Variants in SEC14L5 observed in about 807,000 individuals in gnomAD.
The protein encoded by SEC14L5 is SEC14-like protein 5.
SEC14L5 carries 96 observed loss-of-function variants against 84.6 expected under a neutral mutation model. The ratio of observed to expected loss-of-function variants is 1.13; its 90% CI spans 0.96 to 1.34. SEC14L5 has a LOEUF of 1.34. SEC14L5 is among the 40% of genes most tolerant of loss of function. SEC14L5 has a pLI of 0.00. For synonymous variants in SEC14L5, 546 were observed against 383.4 expected (o/e 1.42, Z -4.95); for missense variants, 1,224 against 942.5 (o/e 1.30, Z -3.91).
At chr16:4,988,112 C>T (rs1325763857) in intron 3 of SEC14L5, 37 bp from the exon 4 acceptor site, 1 of 1,609,670 alleles carries the variant, frequency 6.2e-7, no homozygotes, top group Non-Finnish European at 8.5e-7. Context: ...CTCCACGCCG[C>T]CCACCCACCT....
At position 4,970,532 on chromosome 16, in the gene SEC14L5, A is replaced by G. The variant is rs533683218; in HGVS notation, c.63+11146A>G. Among the ~76,000 whole-genome samples, 77 of 152,270 alleles carry G rather than the reference A, an allele frequency of 5.1e-4. 2 individuals carry two copies. In the South Asian group the frequency reaches 0.015, roughly 30 times the overall value. On this transcript the variant is annotated intron_variant, in intron 2 of 15. Coordinates refer to ENST00000251170, the MANE Select transcript of SEC14L5 (RefSeq NM_014692.2). ...AAATAGTGTTTCCCCTCTGCGCAAA[A>G]TCCTGACATACCATGTAAATGTCAA...
chr16:5,005,529 T>G (rs2142526022), intron 11 of SEC14L5, among the ~76,000 whole-genome samples: 1 of 151,768 alleles, frequency 6.6e-6, no homozygotes, highest in South Asian at 2.1e-4. Flanking sequence ...CACTTTATAA[T>G]GATTAATTCT....
At position 5,018,248 on chromosome 16, in the gene SEC14L5, G is replaced by C. The variant is rs1335009844; in HGVS notation, c.*3278G>C. 6 of 152,194 alleles carry C rather than the reference G, an allele frequency of 3.9e-5. No individual in the cohort carries two copies. Among genetic ancestry groups the C allele is most frequent in the Non-Finnish European group, 8.8e-5 (6 of 68,040 alleles). The allele number at this position is 152,194 out of a possible 1,614,324, so 9.4% of individuals were successfully genotyped here. ...GGTCATTCTGATTACTTAATGCTTC[G>C]CATCCAAAGACTCGTTTTCTTCCTG... is the stretch of plus-strand genomic sequence containing the variant. On this transcript the variant is annotated 3_prime_UTR_variant, in exon 16 of 16. Coordinates refer to ENST00000251170, the MANE Select transcript of SEC14L5 (RefSeq NM_014692.2).
intron 12 of SEC14L5, among the ~76,000 whole-genome samples, chr16:5,006,768 A>T (rs1484616447): frequency 1.3e-5 from 2 of 152,192 alleles, no homozygotes; most frequent in East Asian, 3.8e-4. Flanking sequence ...GGTTCTGCAG[A>T]TCTGAGAGTG....
At chr16:4,981,127 A>C (rs548658158) in intron 2 of SEC14L5, among the ~76,000 whole-genome samples, 4 of 151,424 alleles carry the variant, frequency 2.6e-5, no homozygotes, top group South Asian at 4.2e-4. Flanking sequence ...TTCTTTATTT[A>C]TTTATTTGAG....
At chr16:5,009,590 C>T (rs1052933764) in intron 14 of SEC14L5, among the ~76,000 whole-genome samples, 2 of 152,154 alleles carry the variant, frequency 1.3e-5, no homozygotes, top group African/African-American at 4.8e-5. Flanking sequence ...TCCCAAAGTG[C>T]TGGGATTAGA....
At chr16:4,980,162 G>A (rs1955403522) in intron 2 of SEC14L5, among the ~76,000 whole-genome samples, 1 of 152,212 alleles carries the variant, frequency 6.6e-6, no homozygotes, top group South Asian at 2.1e-4. Flanking sequence ...CCAGGGCATT[G>A]TAAGGATGAA....
At chr16:4,979,921 G>A (rs1000844250) in intron 2 of SEC14L5, among the ~76,000 whole-genome samples, 1 of 152,172 alleles carries the variant, frequency 6.6e-6, no homozygotes, top group Admixed American at 6.5e-5. Context: ...CAGGTCCCCT[G>A]CTTTGCGAGT....
intron 8 of SEC14L5, among the ~76,000 whole-genome samples, chr16:5,000,115 AC>A (rs944365669): frequency 1.3e-5 from 2 of 151,612 alleles, no homozygotes; most frequent in African/African-American, 4.9e-5. Context: ...AGATGGTGAA[AC>A]CCCATTTCTA....
chr16:5,002,451 C>T (rs1294203267), intron 10 of SEC14L5, among the ~76,000 whole-genome samples: 1 of 152,148 alleles, frequency 6.6e-6, no homozygotes, highest in Non-Finnish European at 1.5e-5. Context: ...TGCCTGCCAC[C>T]ACGCCTGGCT....
chr16:4,999,874 C>T (rs1955655968), intron 8 of SEC14L5, among the ~76,000 whole-genome samples: 1 of 152,056 alleles, frequency 6.6e-6, no homozygotes, highest in Admixed American at 6.6e-5. Context: ...GAGATTGCTC[C>T]ACTGAACTCC....
At chr16:5,002,049 C>T (rs543221955) in intron 10 of SEC14L5, among the ~76,000 whole-genome samples, 10 of 152,208 alleles carry the variant, frequency 6.6e-5, no homozygotes, top group East Asian at 1.9e-4. Flanking sequence ...GGATTACAGG[C>T]GTCAGCCTCT....
intron 2 of SEC14L5, among the ~76,000 whole-genome samples, chr16:4,964,772 C>T (rs1955176192): frequency 6.6e-6 from 1 of 151,608 alleles, no homozygotes; most frequent in Non-Finnish European, 1.5e-5. Context: ...TCACTGTCAC[C>T]CAAGCTGGGG....
rs11859076 is a variant in SEC14L5, at chr16:5,005,857, C to G, written c.1303-57C>G. ...CCAGCCTGGGCGACTGAGCAAGACT[C>G]CGTCTCAAAAAAAAAAAAAAAAAAA... On this transcript the variant is annotated intron_variant, in intron 11 of 15. Coordinates refer to ENST00000251170, the MANE Select transcript of SEC14L5 (RefSeq NM_014692.2). 5.7e-3 allele frequency: 7,263 copies of G among 1,271,144 alleles called. 309 individuals carry two copies. The African/African-American group carries it at 0.13, about 22-fold the overall frequency. The allele number at this position is 1,271,144 out of a possible 1,614,324, so 78.7% of individuals were successfully genotyped here. A position where few individuals can be genotyped will look rare whatever the true frequency, so the allele number is the denominator to read the frequency against.
chr16:4,995,191 T>C (rs1955596196), intron 6 of SEC14L5, among the ~76,000 whole-genome samples: 1 of 152,236 alleles, frequency 6.6e-6, no homozygotes. Context: ...TACAAAGAAC[T>C]GGCTCTGCCC....
At chr16:4,963,578 T>G (rs970936673) in intron 2 of SEC14L5, among the ~76,000 whole-genome samples, 6 of 152,242 alleles carry the variant, frequency 3.9e-5, no homozygotes, top group Non-Finnish European at 8.8e-5. Flanking sequence ...ACTCCTGACC[T>G]CAAGTGTTCC....
chr16:4,990,668 T>C, intron 4 of SEC14L5, 99 bp from the exon 5 acceptor site: 1 of 1,241,120 alleles, frequency 8.1e-7, no homozygotes. Flanking sequence ...TGCTTTCCAC[T>C]GCAGGCTCTG....
chr16:5,003,617 G>GCCCA, intron 11 of SEC14L5, 44 bp downstream of exon 11: 1 of 592,402 alleles, frequency 1.7e-6, no homozygotes, highest in South Asian at 1.9e-5. Flanking sequence ...GGGGGTGGGT[G>GCCCA]GGATGGGAGG....
chr16:4,997,010 G>A lies in SEC14L5; in HGVS notation c.936G>A (p.Glu312=). ...GGCAACCCCCTGCCCTGCTGGAGGA[G>A]TTCTATGCAGGGGGCTGGCATTACC... ...QTWQPPALLE[E]FYAGGWHYQD... is the part of the protein sequence containing the mutation. Residue 312 remains glutamate, a synonymous_variant, in exon 8 of 16, where the codon GAG becomes GAA. Coordinates refer to ENST00000251170, the MANE Select transcript of SEC14L5 (RefSeq NM_014692.2). The A allele has an allele frequency of 6.2e-7, 1 of 1,613,024 alleles. No individual in the cohort carries two copies. Among genetic ancestry groups the A allele is most frequent in the Non-Finnish European group, 8.5e-7 (1 of 1,179,484 alleles).
Sources: gnomAD v4.1 joint callset for allele counts (sites outside exome capture counted in the v4.1 genomes callset) on GRCh38, gnomAD v4.1.1 for gene constraint, MANE v1.5 for transcripts, NCBI Gene and HGNC (gene_info 2026-07-23, HGNC 2026-07-21) for gene names.